Variants in EVPL observed in about 807,000 individuals in gnomAD.
The protein encoded by EVPL is 210 kDa cornified envelope precursor protein.
In EVPL, 94 loss-of-function variants were observed where a neutral mutation model predicts 129.7. The observed-to-expected ratio is 0.72, with a 90% confidence interval of 0.61 to 0.86. The LOEUF (loss-of-function observed/expected upper bound fraction) is 0.86, where lower values mean the gene tolerates loss of function less well. Ranked by LOEUF, EVPL falls within the 40% of genes least tolerant of loss-of-function variation. The pLI is 0.00. For synonymous variants in EVPL, 1,172 were observed against 1,191.1 expected (o/e 0.98, Z 0.33); for missense variants, 2,625 against 2,721.1 (o/e 0.96, Z 0.79).
At position 76,014,974 on chromosome 17, in the gene EVPL, G is replaced by T; in HGVS notation, c.2164C>A (p.Arg722Ser). The T allele has an allele frequency of 6.3e-7, 1 of 1,597,094 alleles. No individual in the cohort carries two copies. The change falls in exon 17 of 22, where the codon CGC becomes AGC. Residue 722 changes from arginine to serine, a missense_variant. Coordinates refer to ENST00000301607, the MANE Select transcript of EVPL (RefSeq NM_001988.4). ...EFCQDLPRQQ[R>S]QVRALTDRYH... is the part of the protein sequence containing the mutation. The stretch of plus-strand genomic sequence containing the variant: ...CGGTCGGTGAGGGCTCGCACCTGGC[G>T]CTGCTGGCGAGGCAGGTCTTGGCAG...
In EVPL at chr17:76,007,854, G is replaced by A. The variant is rs367755409; in HGVS notation, c.5351C>T (p.Thr1784Ile). ...GATGGAGAGTGAGGAGCTTGGCTTG[G>A]TCTCCCCAGCTACAAGCAGCGCAAA... ...SEFALLVAGE[T>I]KPSSSLSIGS... is the part of the protein sequence containing the mutation. Residue 1784 changes from threonine to isoleucine, a missense_variant, in exon 22 of 22, where the codon ACC (threonine) becomes ATC (isoleucine). Coordinates refer to ENST00000301607, the MANE Select transcript of EVPL (RefSeq NM_001988.4). The surrounding 1 kb of genome is among the most constrained non-coding windows in gnomAD (Gnocchi z 8.8). The A allele has an allele frequency of 6.9e-5, 112 of 1,612,276 alleles. No homozygotes were observed. Among genetic ancestry groups the A allele is most frequent in the Non-Finnish European group, 8.5e-5 (100 of 1,178,696 alleles).
chr17:76,014,926 G>T lies in EVPL; in HGVS notation c.2212C>A (p.Leu738Met). ...GACCCAGTCGCTCACCGCAGGTCCAGCTGGTCCCCTACGGCGTGGTAGCGG... is the reference window on the plus strand; with the variant it reads ...GACCCAGTCGCTCACCGCAGGTCCATCTGGTCCCCTACGGCGTGGTAGCGG... ...TDRYHAVGDQ[L>M]DLREKVVQDA... Residue 738 changes from leucine to methionine, a missense_variant, in exon 17 of 22, where the codon CTG becomes ATG. Around this residue, in one of 4 missense-constraint regions of EVPL, gnomAD observed 1,024 missense variants for 997.5 expected, o/e 1.03. Transcript: ENST00000301607. The T allele has an allele frequency of 6.3e-7, 1 of 1,584,774 alleles. No homozygotes were observed.
chr17:76,017,774 A>G lies in EVPL; in HGVS notation c.1675T>C (p.Leu559=), dbSNP rs2066427719. Residue 559 remains leucine, a synonymous_variant, in exon 14 of 22, where the codon TTG becomes CTG. Transcript: ENST00000301607. The part of the protein sequence containing the change: ...ARAPLSRPTP[L]EDLEGRIHSH... The stretch of plus-strand genomic sequence containing the variant: ...TGGATGCGGCCCTCCAAGTCCTCCA[A>G]GGGTGTGGGGCGGCTCAGCGGGGCC... 2 of 1,612,890 alleles carry G rather than the reference A, an allele frequency of 1.2e-6. No individual in the cohort carries two copies. Among genetic ancestry groups the G allele is most frequent in the South Asian group, 2.2e-5 (2 of 91,082 alleles).
rs2066369019 is a variant in EVPL, at chr17:76,010,506, G to C, written c.2699C>G (p.Ala900Gly). 1 of 1,613,714 alleles carries C rather than the reference G, an allele frequency of 6.2e-7. No individual in the cohort carries two copies. Among genetic ancestry groups the C allele is most frequent in the Non-Finnish European group, 8.5e-7 (1 of 1,179,952 alleles). Residue 900 changes from alanine to glycine, a missense_variant, in exon 22 of 22, where the codon GCA becomes GGA. Ala to Gly is a moderately conservative substitution (Grantham distance 60, BLOSUM62 0). Around this residue, in one of 4 missense-constraint regions of EVPL, gnomAD observed 9 missense variants for 25.0 expected, o/e 0.36. Transcript: ENST00000301607. ...LSEDIRRTHD[A>G]KQGSESPAQA... ...GGCAGGGCTCTCGGAGCCCTGCTTT[G>C]CATCATGGGTCCTTCGGATGTCCTC...
Position 76,014,947 on chromosome 17 carries a change from A to T in EVPL, c.2191T>A (p.Tyr731Asn). 6.3e-7 allele frequency: 1 copy of T among 1,592,834 alleles called. No homozygotes were observed. Among genetic ancestry groups the T allele is most frequent in the South Asian group, 1.1e-5 (1 of 90,714 alleles). Residue 731 changes from tyrosine (Y) to asparagine (N), a missense_variant, in exon 17 of 22, where the codon TAC becomes AAC. By Grantham distance (143) the Tyr-to-Asn change is moderately radical. Around this residue, in one of 4 missense-constraint regions of EVPL, gnomAD observed 1,024 missense variants for 997.5 expected, o/e 1.03. Transcript: ENST00000301607. ...QRQVRALTDR[Y>N]HAVGDQLDLR... The stretch of plus-strand genomic sequence containing the variant: ...TCCAGCTGGTCCCCTACGGCGTGGT[A>T]GCGGTCGGTGAGGGCTCGCACCTGG...
At position 76,018,569 on chromosome 17, in the gene EVPL, A is replaced by G; in HGVS notation, c.1316T>C (p.Leu439Pro). 1.9e-6 allele frequency: 3 copies of G among 1,608,990 alleles called. No individual in the cohort carries two copies. Among genetic ancestry groups the G allele is most frequent in the Non-Finnish European group, 8.5e-7 (1 of 1,177,740 alleles). Residue 439 changes from leucine (L) to proline (P), a missense_variant, in exon 12 of 22, where the codon CTG (leucine) becomes CCG (proline). Coordinates refer to ENST00000301607, the MANE Select transcript of EVPL (RefSeq NM_001988.4). Reference protein sequence around the residue: ...VQLLQGERYKLVDNTDPHAWV... With the variant: ...VQLLQGERYKPVDNTDPHAWV... ...GGCGTGCGGGTCAGTGTTATCTACC[A>G]GCTTATACCGCTCACCCTGCAGCAG... is the stretch of plus-strand genomic sequence containing the variant.
chr17:76,014,105 C>A (rs1032438137), intron 18 of EVPL, among the ~76,000 whole-genome samples: 6 of 152,216 alleles, frequency 3.9e-5, no homozygotes, highest in Non-Finnish European at 7.3e-5. Context: ...ACCTCCCCCA[C>A]CAGGCTGGGA....
At chr17:76,020,492 A>G (rs939999702) in intron 9 of EVPL, among the ~76,000 whole-genome samples, 1 of 152,222 alleles carries the variant, frequency 6.6e-6, no homozygotes, top group African/African-American at 2.4e-5. Context: ...GAAGCATTCC[A>G]GGTGCTTTGA....
In EVPL at chr17:76,013,371, G is replaced by A. The variant is rs962852475; in HGVS notation, c.2373+1055C>T. 1.3e-5 allele frequency among the ~76,000 whole-genome samples: 2 copies of A among 151,990 alleles called. No individual in the cohort carries two copies. The highest frequency in any genetic ancestry group is 2.4e-5 in the African/African-American group (1 of 41,376). ...GTCCCAGACCCATCTTTGCTCTCAC[G>A]AGCTCCTAGGGGAACCCCCAGCCCC... On this transcript the variant is annotated intron_variant, in intron 18 of 21. Coordinates refer to ENST00000301607, the MANE Select transcript of EVPL (RefSeq NM_001988.4). This position sits in a 1 kb window ranked among gnomAD's most constrained non-coding sequence, Gnocchi z 4.3.
rs746689531 is a variant in EVPL at position 76,021,751 on chromosome 17, C to T, written c.838G>A (p.Glu280Lys). 53 of 1,609,470 alleles carry T rather than the reference C, an allele frequency of 3.3e-5. No individual in the cohort carries two copies. Among genetic ancestry groups the T allele is most frequent in the Non-Finnish European group, 4.5e-5 (53 of 1,179,418 alleles). The change falls in exon 8 of 22, where the codon GAG becomes AAG. Residue 280 changes from glutamate (E) to lysine (K), a missense_variant. Transcript: ENST00000301607. ...TCCTCCAGCTGGTTCACGCTCTGCT[C>T]CTGGCTCAGCAGCTCGTGCTGCTTG... ...HFKQHELLSQ[E>K]QSVNQLEDDG...
chr17:76,018,967 G>T lies in EVPL; in HGVS notation c.1231C>A (p.Pro411Thr), dbSNP rs1276697212. ...DVAPLPQRRNPPQQPLHVDSI... is the reference protein window; with the variant it reads ...DVAPLPQRRNTPQQPLHVDSI... ...TCCACGTGCAGGGGCTGCTGAGGGGGGTTTCTTCGCTGTGGCAGAGGGGCC... is the reference window on the plus strand; with the variant it reads ...TCCACGTGCAGGGGCTGCTGAGGGGTGTTTCTTCGCTGTGGCAGAGGGGCC... Residue 411 changes from proline (P) to threonine (T), a missense_variant, in exon 11 of 22, where the codon CCC becomes ACC. Around this residue, in one of 4 missense-constraint regions of EVPL, gnomAD observed 1,024 missense variants for 997.5 expected, o/e 1.03. Transcript: ENST00000301607. 1.3e-6 allele frequency: 2 copies of T among 1,565,332 alleles called. No individual in the cohort carries two copies. Among genetic ancestry groups the T allele is most frequent in the Non-Finnish European group, 1.7e-6 (2 of 1,160,024 alleles).
chr17:76,020,843 C>T (rs2066452454), intron 9 of EVPL, among the ~76,000 whole-genome samples: 1 of 152,092 alleles, frequency 6.6e-6, no homozygotes, highest in South Asian at 2.1e-4. Flanking sequence ...AGATGTGAGC[C>T]ACCACACCTG....
intron 21 of EVPL, 149 bp downstream of exon 21, chr17:76,011,427 C>G: frequency 1.4e-6 from 1 of 726,466 alleles, no homozygotes; most frequent in South Asian, 1.6e-5. Flanking sequence ...GCTCCCCTCT[C>G]CAGCAGCCAG....
chr17:76,017,586 A>T (rs2066426149), intron 14 of EVPL, among the ~76,000 whole-genome samples, 153 bp downstream of exon 14: 1 of 152,212 alleles, frequency 6.6e-6, no homozygotes, highest in Non-Finnish European at 1.5e-5. Context: ...AGGAGCCAGG[A>T]GGGGAACCAG....
Position 76,010,426 on chromosome 17 carries a change from G to A in EVPL, c.2779C>T (p.Arg927Trp), listed in dbSNP as rs771495391. Reference protein sequence around the residue: ...LKAQLEEERKRVARVQHELEA... With the variant: ...LKAQLEEERKWVARVQHELEA... Reference sequence around the variant, plus strand: ...AGCTCATGCTGCACCCGGGCCACCCGCTTCCTCTCCTCTTCCAGCTGGGCC... The same window carrying A: ...AGCTCATGCTGCACCCGGGCCACCCACTTCCTCTCCTCTTCCAGCTGGGCC... The change falls in exon 22 of 22, where the codon CGG becomes TGG. Residue 927 changes from arginine to tryptophan, a missense_variant. Arg to Trp is a moderately radical substitution (Grantham distance 101). Coordinates refer to ENST00000301607, the MANE Select transcript of EVPL (RefSeq NM_001988.4). 193 of 1,613,816 alleles carry A rather than the reference G, an allele frequency of 1.2e-4. 3 individuals carry two copies. The highest frequency in any genetic ancestry group is 6.7e-4 in the South Asian group (61 of 91,080).
chr17:76,024,391 A>G lies in EVPL; in HGVS notation c.99-271T>C, dbSNP rs2066485177. Among the ~76,000 whole-genome samples, 1 of 151,266 alleles carries G rather than the reference A, an allele frequency of 6.6e-6. No individual in the cohort carries two copies. Among genetic ancestry groups the G allele is most frequent in the African/African-American group, 2.4e-5 (1 of 41,080 alleles). On this transcript the variant is annotated intron_variant, in intron 1 of 21. Transcript: ENST00000301607. This position sits in a 1 kb window ranked among gnomAD's most constrained non-coding sequence, Gnocchi z 4.5. Reference sequence around the variant, plus strand: ...CAGGCGGCCTCGGTGTCCCAGCCTTAGCCAGCTGTGCTGGCAGTGAGTTCC... The same window carrying G: ...CAGGCGGCCTCGGTGTCCCAGCCTTGGCCAGCTGTGCTGGCAGTGAGTTCC...
intron 13 of EVPL, 57 bp downstream of exon 13, chr17:76,018,104 G>C: frequency 1.3e-6 from 2 of 1,547,822 alleles, no homozygotes; most frequent in Non-Finnish European, 1.7e-6. Context: ...CCAGTCGGAA[G>C]TCGGAATCTA....
intron 13 of EVPL, 83 bp from the exon 14 acceptor site, chr17:76,017,994 T>A: frequency 1.3e-6 from 2 of 1,582,742 alleles, no homozygotes; most frequent in Non-Finnish European, 1.7e-6. Flanking sequence ...CCACAGAGGG[T>A]CCTGTCGGGG....
At chr17:76,012,359 T>C (rs1333266887) in intron 18 of EVPL, 3 of 384,692 alleles carry the variant, frequency 7.8e-6, no homozygotes, top group Non-Finnish European at 9.4e-6. Flanking sequence ...CAGGTTGGAG[T>C]GCGTGATCTC....
Sources: allele counts gnomAD v4.1 joint callset (sites outside exome capture counted in the v4.1 genomes callset), GRCh38; gene constraint gnomAD v4.1.1; regional missense constraint gnomAD v4.1.1; non-coding constraint Gnocchi (gnomAD v3.1); transcripts MANE v1.5; gene names NCBI Gene and HGNC (gene_info 2026-07-23, HGNC 2026-07-21).